The following RUNX1T1 variants were observed in gnomAD, a reference collection of about 807,000 sequenced individuals.
RUNX1T1 encodes the protein protein CBFA2T1.
A neutral mutation model predicts 62.8 loss-of-function variants in RUNX1T1; 4 were observed. The observed-to-expected ratio is 0.06, with a 90% CI of 0.03 to 0.15. The LOEUF (loss-of-function observed/expected upper bound fraction) is 0.15, where lower values mean the gene tolerates loss of function less well. Ranked by LOEUF, RUNX1T1 falls within the 10% of genes least tolerant of loss-of-function variation. The pLI, the probability that RUNX1T1 is intolerant of heterozygous loss-of-function variation, is 1.00. For synonymous variants in RUNX1T1, 291 were observed against 286.0 expected, an observed-to-expected ratio of 1.02 and a Z score of -0.18; for missense variants, 508 against 754.3, an observed-to-expected ratio of 0.67 and a Z score of 3.82.
At chr8:92,065,300 A>T (rs534622975), upstream of RUNX1T1, among the ~76,000 whole-genome samples, 2 of 152,368 alleles carry the variant, frequency 1.3e-5, no homozygotes, top group African/African-American at 4.8e-5. Flanking sequence ...GGAGAAAAAC[A>T]ATACATATTG....
At chr8:91,997,797 C>G (rs1472932968) in intron 5 of RUNX1T1, among the ~76,000 whole-genome samples, 7 of 152,120 alleles carry the variant, frequency 4.6e-5, no homozygotes. Context: ...TCTCCACAGC[C>G]CAGCCAAGTC....
intron 1 of RUNX1T1, among the ~76,000 whole-genome samples, chr8:92,083,877 A>AAGAAAATGT (rs1185106944): frequency 6.6e-6 from 1 of 152,234 alleles, no homozygotes; most frequent in Non-Finnish European, 1.5e-5. Flanking sequence ...AGACCGGATA[A>AAGAAAATGT]AGAAAATGTG....
At chr8:92,014,102 T>C (rs1240761985) in intron 3 of RUNX1T1, among the ~76,000 whole-genome samples, 1 of 152,074 alleles carries the variant, frequency 6.6e-6, no homozygotes, top group Non-Finnish European at 1.5e-5. Flanking sequence ...AAGAAGAATG[T>C]GTTGTTACAA....
At chr8:92,032,867 T>A (rs2131324917) in intron 1 of RUNX1T1, among the ~76,000 whole-genome samples, 1 of 152,292 alleles carries the variant, frequency 6.6e-6, no homozygotes, top group East Asian at 1.9e-4. Flanking sequence ...ATAGAAAATG[T>A]ACAAAATAAA....
intron 1 of RUNX1T1, among the ~76,000 whole-genome samples, chr8:92,036,988 G>A (rs1297727753): frequency 6.6e-6 from 1 of 152,168 alleles, no homozygotes; most frequent in Non-Finnish European, 1.5e-5. Context: ...CTACTTCTGG[G>A]ACTGAAGTTC....
chr8:92,070,720 C>T (rs1033162811), intron 2 of RUNX1T1, among the ~76,000 whole-genome samples: 8 of 152,246 alleles, frequency 5.3e-5, no homozygotes, highest in African/African-American at 1.9e-4. Context: ...TGGAGCTGTG[C>T]TTATGCACTA....
upstream of RUNX1T1, among the ~76,000 whole-genome samples, chr8:92,100,195 G>T (rs1837971603): frequency 6.6e-6 from 1 of 151,958 alleles, no homozygotes; most frequent in Non-Finnish European, 1.5e-5. Context: ...TTATTAGCAG[G>T]TATTAACGGA....
chr8:92,025,337 G>C (rs942141388), intron 1 of RUNX1T1, among the ~76,000 whole-genome samples: 3 of 152,106 alleles, frequency 2.0e-5, no homozygotes, highest in African/African-American at 7.2e-5. Flanking sequence ...TGACCCATCT[G>C]GTTCCTGCAG....
intron 4 of RUNX1T1, 23 bp from the exon 6 acceptor site, chr8:92,005,320 A>G: frequency 6.2e-7 from 1 of 1,604,816 alleles, no homozygotes; most frequent in Non-Finnish European, 8.5e-7. Context: ...GACAGGAATG[A>G]GAGGACGGAC....
At chr8:92,061,442 G>A (rs893613101) in intron 1 of RUNX1T1, among the ~76,000 whole-genome samples, 8 of 152,122 alleles carry the variant, frequency 5.3e-5, no homozygotes, top group Admixed American at 5.2e-4. Context: ...AAAGACCTCA[G>A]TCATTGTCTT....
chr8:92,093,077 C>T (rs1234030902), intron 1 of RUNX1T1, among the ~76,000 whole-genome samples: 1 of 152,140 alleles, frequency 6.6e-6, no homozygotes, highest in East Asian at 1.9e-4. Flanking sequence ...TGAATTGACA[C>T]TTTTGGCCTT....
chr8:92,098,984 A>G (rs1205663875), intron 1 of RUNX1T1, among the ~76,000 whole-genome samples: 2 of 152,164 alleles, frequency 1.3e-5, no homozygotes, highest in Non-Finnish European at 1.5e-5. Context: ...ATGGCTGTGG[A>G]AAAAAAGTGA....
chr8:92,003,276 G>C (rs1586932077), intron 5 of RUNX1T1: 1 of 448,676 alleles, frequency 2.2e-6, no homozygotes, highest in East Asian at 7.0e-5. Flanking sequence ...TTTCATATCA[G>C]TGTTAACATA....
At chr8:92,032,853 A>G (rs868168831) in intron 1 of RUNX1T1, among the ~76,000 whole-genome samples, 7 of 152,216 alleles carry the variant, frequency 4.6e-5, no homozygotes, top group Admixed American at 1.3e-4. Context: ...GTAAAAGAAC[A>G]CAAATAGAAA....
intron 1 of RUNX1T1, among the ~76,000 whole-genome samples, chr8:92,035,873 C>A (rs1827321148): frequency 6.6e-6 from 1 of 151,956 alleles, no homozygotes; most frequent in Non-Finnish European, 1.5e-5. Context: ...ACCAGGAAAA[C>A]CATTGGGGAA....
At chr8:92,067,325 G>A (rs1342840746), upstream of RUNX1T1, among the ~76,000 whole-genome samples, 2 of 152,192 alleles carry the variant, frequency 1.3e-5, no homozygotes, top group Non-Finnish European at 2.9e-5. Context: ...CTGTAGGTCT[G>A]TTTAGAAATC....
chr8:92,028,865 T>TA (rs756655067), intron 1 of RUNX1T1, among the ~76,000 whole-genome samples: 55 of 150,712 alleles, frequency 3.6e-4, no homozygotes, highest in African/African-American at 6.1e-4. Context: ...TTCTGGAAAG[T>TA]AAAAAAAAAC....
intron 1 of RUNX1T1, among the ~76,000 whole-genome samples, chr8:92,018,390 C>A (rs79427153): frequency 2.0e-5 from 3 of 152,284 alleles, no homozygotes; most frequent in Admixed American, 6.5e-5. Flanking sequence ...AGCATTTGCA[C>A]GATGAGCTAG....
At chr8:92,084,079 TCA>T (rs1327581266) in intron 1 of RUNX1T1, among the ~76,000 whole-genome samples, 1 of 151,878 alleles carries the variant, frequency 6.6e-6, no homozygotes, top group African/African-American at 2.4e-5. Context: ...GAGGGGAACA[TCA>T]CACACCGGGG....
Sources: gnomAD v4.1 joint callset for allele counts (sites outside exome capture counted in the v4.1 genomes callset) on GRCh38, gnomAD v4.1.1 for gene constraint, MANE v1.5 for transcripts, NCBI Gene and HGNC (gene_info 2026-07-23, HGNC 2026-07-21) for gene names.